NBPF12: variants seen among roughly 807,000 people sequenced by gnomAD.
NBPF12 encodes the protein NBPF family member NBPF12.
In NBPF12, 115 loss-of-function variants were observed where a neutral mutation model predicts 146.4. That is an observed-to-expected ratio of 0.79 (90% CI 0.68 to 0.92). NBPF12 has a LOEUF of 0.92. Ranked by LOEUF, NBPF12 falls within the 40% of genes least tolerant of loss-of-function variation. The pLI, the probability that NBPF12 is intolerant of heterozygous loss-of-function variation, is 0.00. For synonymous variants in NBPF12, 385 were observed against 508.9 expected, an observed-to-expected ratio of 0.76 and a Z score of 3.28; for missense variants, 1,205 against 1,326.8, an observed-to-expected ratio of 0.91 and a Z score of 1.43.
exon 1 of NBPF12, chr1:146,938,831 G>C (rs1169694206): frequency 5.2e-5 from 8 of 152,846 alleles, no homozygotes; most frequent in Middle Eastern, 3.4e-3. Flanking sequence ...TGAGGGTCGC[G>C]AGGCTGCCTG....
upstream of NBPF12, among the ~76,000 whole-genome samples, chr1:146,946,915 A>G (rs1655102351): frequency 6.6e-6 from 1 of 152,046 alleles, no homozygotes; most frequent in African/African-American, 2.4e-5. Context: ...CTGTTCTAGC[A>G]CCACTAGTTG....
In NBPF12 at chr1:146,962,156, C is replaced by T; in HGVS notation, c.176-5C>T. The T allele has an allele frequency of 1.9e-6, 3 of 1,608,734 alleles. No individual in the cohort carries two copies. The highest frequency in any genetic ancestry group is 2.2e-5 in the East Asian group (1 of 44,876). On this transcript the variant is annotated splice_polypyrimidine_tract_variant and splice_region_variant and intron_variant, in intron 4 of 33. Transcript: ENST00000617844. ...CTGAGGCAGGCGTGTCTGTCTTTTTCTCAGAGTATGAAGAGTGTAAAGACC... is the reference window on the plus strand; with the variant it reads ...CTGAGGCAGGCGTGTCTGTCTTTTTTTCAGAGTATGAAGAGTGTAAAGACC...
chr1:146,973,344 G>T (rs1656779396), intron 14 of NBPF12, among the ~76,000 whole-genome samples: 1 of 151,732 alleles, frequency 6.6e-6, no homozygotes, highest in Admixed American at 6.5e-5. Flanking sequence ...CTTTTATTCA[G>T]TTCAAGTTTC....
chr1:146,994,800 C>T (rs1439648303), exon 34 of NBPF12: 11 of 816,144 alleles, frequency 1.3e-5, no homozygotes, highest in African/African-American at 3.5e-5. Context: ...GCAGCACATG[C>T]CGGGAGTGAT....
At chr1:146,983,878 G>A (rs1157879613) in intron 20 of NBPF12, among the ~76,000 whole-genome samples, 4 of 139,628 alleles carry the variant, frequency 2.9e-5, no homozygotes, top group African/African-American at 1.1e-4. Flanking sequence ...TTGCTCATTT[G>A]TGTACATAAA....
intron 11 of NBPF12, among the ~76,000 whole-genome samples, 199 bp downstream of exon 14, chr1:146,969,795 C>G (rs1656463767): frequency 6.6e-6 from 1 of 151,160 alleles, no homozygotes; most frequent in Non-Finnish European, 1.5e-5. Context: ...TGCAAGTGTC[C>G]CTCCTTCCTT....
At chr1:146,967,882 A>G (rs1314267155) in intron 9 of NBPF12, among the ~76,000 whole-genome samples, 2 of 130,370 alleles carry the variant, frequency 1.5e-5, no homozygotes, top group East Asian at 2.4e-4. Context: ...CTTCATTAGC[A>G]TTTGGGCATA....
rs1222083382 is a variant in NBPF12 at position 146,957,924 on chromosome 1, TA to T, written c.-183-1933del. ...ATACACGTATGTATATACACGTATA[TA>T]ATATATATTCGTGTGTGTATATATA... On this transcript the variant is annotated intron_variant, in intron 2 of 33. Transcript: ENST00000617844. 8.2e-5 allele frequency among the ~76,000 whole-genome samples: 10 copies of T among 122,182 alleles called. 2 individuals are homozygous for T. The highest frequency in any genetic ancestry group is 1.2e-4 in the Non-Finnish European group (7 of 56,978). The allele number at this position is 122,182 out of a possible 152,430, so 80.2% of individuals were successfully genotyped here.
At chr1:146,967,511 A>G (rs2101864118) in intron 9 of NBPF12, among the ~76,000 whole-genome samples, 1 of 149,784 alleles carries the variant, frequency 6.7e-6, no homozygotes, top group African/African-American at 2.5e-5. Flanking sequence ...AAAAATAATA[A>G]TGATAAATAA....
At chr1:146,960,592 A>G (rs1655786923) in intron 4 of NBPF12, among the ~76,000 whole-genome samples, 2 of 152,006 alleles carry the variant, frequency 1.3e-5, no homozygotes, top group East Asian at 3.9e-4. Flanking sequence ...GTTTTCTCCA[A>G]GAGGCTCAAT....
chr1:146,972,335 A>C (rs2101880283), intron 13 of NBPF12, among the ~76,000 whole-genome samples: 1 of 151,402 alleles, frequency 6.6e-6, no homozygotes. Flanking sequence ...CAGAGGTGGC[A>C]GTGAGCTGAG....
At chr1:146,944,232 A>T (rs1402462495) in intron 2 of NBPF12, among the ~76,000 whole-genome samples, 3 of 126,930 alleles carry the variant, frequency 2.4e-5, no homozygotes, top group Admixed American at 9.0e-5. Flanking sequence ...TGGGGTGACT[A>T]TTAGGTACCA....
chr1:146,942,243 C>T (rs1462635308), intron 1 of NBPF12, among the ~76,000 whole-genome samples: 1 of 151,598 alleles, frequency 6.6e-6, no homozygotes, highest in African/African-American at 2.4e-5. Context: ...CACACCTTGG[C>T]ATCCCAAAGT....
intron 21 of NBPF12, 59 bp from the exon 25 acceptor site, chr1:146,984,754 G>A: frequency 4.9e-6 from 4 of 818,902 alleles, no homozygotes; most frequent in Non-Finnish European, 8.7e-6. Context: ...AAATCTAGCT[G>A]GGGCTGTGTG....
exon 13 of NBPF12, chr1:146,971,295 A>T: frequency 6.2e-7 from 1 of 1,612,356 alleles, no homozygotes; most frequent in East Asian, 2.2e-5. Flanking sequence ...TCACAAGAAC[A>T]TCAAAATCAC....
exon 4 of NBPF12, chr1:146,960,282 C>T (rs1655769071): frequency 7.3e-7 from 1 of 1,374,062 alleles, no homozygotes; most frequent in Admixed American, 1.8e-5. Context: ...TCTAACTCAA[C>T]TGGCCGGCTT....
chr1:146,981,277 TAAAAAA>T lies in NBPF12; in HGVS notation c.2451-1638_2451-1633del, dbSNP rs878971787. 1.4e-3 allele frequency among the ~76,000 whole-genome samples: 142 copies of T among 101,278 alleles called. 6 individuals are homozygous for T. The highest frequency in any genetic ancestry group is 2.0e-3 in the Non-Finnish European group (106 of 53,358). The allele number at this position is 101,278 out of a possible 152,430, so 66.4% of individuals were successfully genotyped here. The stretch of plus-strand genomic sequence containing the variant: ...ACATGTACCCTAAGACTTAAAGTAT[TAAAAAA>T]AAAAAAAAAAAATATATATATATAT... On this transcript the variant is annotated intron_variant, in intron 19 of 33. Transcript: ENST00000617844.
chr1:146,977,282 TCC>T (rs1657106450), intron 17 of NBPF12, among the ~76,000 whole-genome samples, 182 bp from the exon 21 acceptor site: 1 of 148,056 alleles, frequency 6.8e-6, no homozygotes, highest in Non-Finnish European at 1.5e-5. Context: ...CCTCTCTGGT[TCC>T]CATGGCAGCC....
At chr1:146,957,922 TATA>T (rs1184282561) in intron 2 of NBPF12, among the ~76,000 whole-genome samples, 4 of 122,040 alleles carry the variant, frequency 3.3e-5, no homozygotes, top group Admixed American at 2.7e-4. Flanking sequence ...TATACACGTA[TATA>T]ATATATATTC....
Sources: gnomAD v4.1 joint callset for allele counts (sites outside exome capture counted in the v4.1 genomes callset) on GRCh38, gnomAD v4.1.1 for gene constraint, MANE v1.5 for transcripts, NCBI Gene and HGNC (gene_info 2026-07-23, HGNC 2026-07-21) for gene names.